TRPC4: variants seen among roughly 807,000 people sequenced by gnomAD.
TRPC4 encodes the protein transient receptor potential cation channel subfamily C member 4, also known as short transient receptor potential channel 4.
TRPC4 carries 49 observed loss-of-function variants against 99.4 expected under a neutral mutation model. That is an observed-to-expected ratio of 0.49 (90% CI 0.39 to 0.63). The LOEUF is 0.63. Among genes scored for constraint, TRPC4 ranks in the 20% least tolerant of loss-of-function variants. The probability of loss-of-function intolerance (pLI) is 0.00; values close to 1 mark genes in which losing one functional copy is unlikely to be tolerated. For missense variants in TRPC4, 898 were observed against 1,152.9 expected (o/e 0.78, Z 3.20); for synonymous variants, 454 against 425.9 (o/e 1.07, Z -0.81).
intron 3 of TRPC4, among the ~76,000 whole-genome samples, chr13:37,731,788 A>G (rs148627050): frequency 1.3e-5 from 2 of 152,244 alleles, no homozygotes; most frequent in East Asian, 3.9e-4. Context: ...TATTTTGTAT[A>G]TGTTTGCCTA....
intron 1 of TRPC4, among the ~76,000 whole-genome samples, chr13:37,831,069 T>TAG (rs1958408921): frequency 6.6e-6 from 1 of 151,904 alleles, no homozygotes; most frequent in East Asian, 1.9e-4. Flanking sequence ...TTCGCTCTGT[T>TAG]AGTTGTTTCT....
intron 8 of TRPC4, among the ~76,000 whole-genome samples, chr13:37,649,716 A>T (rs1951960831): frequency 7.7e-6 from 1 of 129,548 alleles, no homozygotes. Flanking sequence ...TGGGCAACTG[A>T]GCGAGACTCC....
intron 3 of TRPC4, among the ~76,000 whole-genome samples, chr13:37,695,171 C>G (rs1485292909): frequency 6.6e-6 from 1 of 152,014 alleles, no homozygotes; most frequent in Non-Finnish European, 1.5e-5. Context: ...TCCCTCTCTT[C>G]CTTCTTCCCT....
At chr13:37,765,886 C>T (rs1432983648) in intron 2 of TRPC4, among the ~76,000 whole-genome samples, 2 of 151,016 alleles carry the variant, frequency 1.3e-5, no homozygotes, top group African/African-American at 4.9e-5. Context: ...TTTTTAAATG[C>T]ACAAACGAAC....
intron 2 of TRPC4, among the ~76,000 whole-genome samples, chr13:37,747,760 T>C (rs1191220263): frequency 6.6e-6 from 1 of 152,206 alleles, no homozygotes; most frequent in African/African-American, 2.4e-5. Flanking sequence ...AAATTATCGA[T>C]TTAAAATATC....
intron 2 of TRPC4, among the ~76,000 whole-genome samples, chr13:37,754,926 C>A (rs772338204): frequency 3.9e-5 from 6 of 152,082 alleles, no homozygotes; most frequent in Non-Finnish European, 8.8e-5. Context: ...CAATGTGAAG[C>A]ACCTATTTTA....
intron 1 of TRPC4, among the ~76,000 whole-genome samples, chr13:37,833,815 C>T (rs915402757): frequency 6.6e-6 from 1 of 152,080 alleles, no homozygotes. Flanking sequence ...TTTCCAGGAT[C>T]TTAGCTGTTT....
At chr13:37,751,168 A>C (rs961087995) in intron 2 of TRPC4, among the ~76,000 whole-genome samples, 12 of 151,608 alleles carry the variant, frequency 7.9e-5, no homozygotes, top group Non-Finnish European at 1.0e-4. Flanking sequence ...GAGGATGGAC[A>C]GGGCCCAGCT....
At chr13:37,825,239 AT>A (rs1448682741) in intron 1 of TRPC4, among the ~76,000 whole-genome samples, 1 of 151,702 alleles carries the variant, frequency 6.6e-6, no homozygotes, top group Non-Finnish European at 1.5e-5. Flanking sequence ...GGATTCATTA[AT>A]TTTTTGAAGG....
intron 6 of TRPC4, 99 bp from the exon 7 acceptor site, chr13:37,655,382 T>A: frequency 2.4e-6 from 1 of 408,312 alleles, no homozygotes; most frequent in Non-Finnish European, 3.8e-6. Context: ...TATATATATA[T>A]ATAATTAACT....
At position 37,669,085 on chromosome 13, in the gene TRPC4, G is replaced by C. The variant is rs182398923; in HGVS notation, c.1374+5143C>G. Among the ~76,000 whole-genome samples, 331 of 152,260 alleles carry C rather than the reference G, an allele frequency of 2.2e-3. 2 individuals carry two copies. The highest frequency in any genetic ancestry group is 6.2e-3 in the African/African-American group (257 of 41,572). On this transcript the variant is annotated intron_variant, in intron 5 of 10. Transcript: ENST00000379705. ...CTAGTTAATAAGAAATGGGATCTATGAGACATGCAGTTAGAACTATTTAGA... is the reference window on the plus strand; with the variant it reads ...CTAGTTAATAAGAAATGGGATCTATCAGACATGCAGTTAGAACTATTTAGA...
At chr13:37,675,415 T>C (rs1176414012) in intron 4 of TRPC4, among the ~76,000 whole-genome samples, 1 of 152,182 alleles carries the variant, frequency 6.6e-6, no homozygotes, top group Non-Finnish European at 1.5e-5. Flanking sequence ...GAGACTCGGC[T>C]GACTGTGAGG....
chr13:37,641,244 G>GA (rs1230091098), intron 8 of TRPC4, among the ~76,000 whole-genome samples: 8 of 151,970 alleles, frequency 5.3e-5, no homozygotes, highest in Non-Finnish European at 8.8e-5. Context: ...ATTTTCTTGG[G>GA]AAAAAACTTA....
intron 3 of TRPC4, among the ~76,000 whole-genome samples, chr13:37,733,020 C>T (rs1468552154): frequency 6.6e-6 from 1 of 152,184 alleles, no homozygotes; most frequent in Non-Finnish European, 1.5e-5. Flanking sequence ...ATCCTGTAAT[C>T]CCAACATTTT....
rs140820245 is a variant in TRPC4, at chr13:37,743,027, T to A, written c.897+2910A>T. Among the ~76,000 whole-genome samples, 124 of 152,184 alleles carry A rather than the reference T, an allele frequency of 8.1e-4. 4 individuals carry two copies. In the East Asian group the frequency reaches 0.021, roughly 26 times the overall value. On this transcript the variant is annotated intron_variant, in intron 3 of 10. Coordinates refer to ENST00000379705, the MANE Select transcript of TRPC4 (RefSeq NM_016179.4). ...TAAATGCAAGATACTCCAGAACAAC[T>A]CTGTAAGAATTTCGTTTTCATTTTT...
In TRPC4 at chr13:37,791,636, C is replaced by T. The variant is rs548292960; in HGVS notation, c.-27-8276G>A. Among the ~76,000 whole-genome samples, 6 of 151,928 alleles carry T rather than the reference C, an allele frequency of 3.9e-5. No homozygotes were observed. In the South Asian group the frequency reaches 8.3e-4, roughly 21 times the overall value. ...AGAGTTTATGATCCAGTGGAAGGAA[C>T]CAATGAAAATTAGCAAACATAATAA... On this transcript the variant is annotated intron_variant, in intron 1 of 10. Transcript: ENST00000379705.
chr13:37,650,436 C>G (rs1362397592), intron 8 of TRPC4, among the ~76,000 whole-genome samples: 1 of 152,018 alleles, frequency 6.6e-6, no homozygotes, highest in Admixed American at 6.6e-5. Context: ...ATGGCTGCAC[C>G]AAAAGCTTCA....
intron 3 of TRPC4, among the ~76,000 whole-genome samples, chr13:37,696,604 G>T (rs1288315624): frequency 6.6e-6 from 1 of 152,130 alleles, no homozygotes; most frequent in Non-Finnish European, 1.5e-5. Flanking sequence ...GAGTCACAAG[G>T]AAGTCTCAGC....
intron 1 of TRPC4, among the ~76,000 whole-genome samples, chr13:37,845,738 T>C (rs1405119611): frequency 6.6e-6 from 1 of 152,010 alleles, no homozygotes; most frequent in Non-Finnish European, 1.5e-5. Context: ...GAAAAAAGCC[T>C]AGAAAGCATA....
Sources: allele counts gnomAD v4.1 joint callset (sites outside exome capture counted in the v4.1 genomes callset), GRCh38; gene constraint gnomAD v4.1.1; transcripts MANE v1.5; gene names NCBI Gene and HGNC (gene_info 2026-07-23, HGNC 2026-07-21).